The following TAX1BP1 variants were observed in gnomAD, a reference collection of about 807,000 sequenced individuals.
The protein encoded by TAX1BP1 is tax1-binding protein 1.
TAX1BP1 carries 62 observed loss-of-function variants against 97.7 expected under a neutral mutation model. The ratio of observed to expected loss-of-function variants is 0.63; its 90% confidence interval spans 0.52 to 0.78. The LOEUF (loss-of-function observed/expected upper bound fraction) is 0.78, where lower values mean the gene tolerates loss of function less well. Among genes scored for constraint, TAX1BP1 ranks in the 30% least tolerant of loss-of-function variants. TAX1BP1 has a pLI of 0.00. For missense variants in TAX1BP1, 867 were observed against 916.1 expected (o/e 0.95, Z 0.69); for synonymous variants, 340 against 304.2 (o/e 1.12, Z -1.23).
At chr7:27,827,166 AC>A (rs1324245322) in intron 15 of TAX1BP1, among the ~76,000 whole-genome samples, 1 of 152,204 alleles carries the variant, frequency 6.6e-6, no homozygotes, top group African/African-American at 2.4e-5. Flanking sequence ...AGCCTGGCTA[AC>A]ATGGTGAAAC....
chr7:27,751,363 T>C (rs1050334823), intron 2 of TAX1BP1, among the ~76,000 whole-genome samples: 1 of 152,180 alleles, frequency 6.6e-6, no homozygotes, highest in Non-Finnish European at 1.5e-5. Flanking sequence ...TGTTAACATA[T>C]TGGTATATAG....
In TAX1BP1 at chr7:27,755,980, G is replaced by A. The variant is rs142096289; in HGVS notation, c.163-2051G>A. ...ATAATTTTCTTTACACTTGGTAATG[G>A]TGGACTAAAAGACAAGATTTCTTGC... On this transcript the variant is annotated intron_variant, in intron 2 of 16. Transcript: ENST00000396319. Among the ~76,000 whole-genome samples the A allele has an allele frequency of 1.8e-3, 267 of 152,206 alleles. 4 individuals carry two copies. The highest frequency in any genetic ancestry group is 6.2e-3 in the African/African-American group (256 of 41,520).
Position 27,766,001 on chromosome 7 carries a change from A to G in TAX1BP1, c.433A>G (p.Thr145Ala). 6.2e-7 allele frequency: 1 copy of G among 1,613,976 alleles called. No homozygotes were observed. Among genetic ancestry groups the G allele is most frequent in the Non-Finnish European group, 8.5e-7 (1 of 1,179,930 alleles). The change falls in exon 4 of 17, where the codon ACA (threonine) becomes GCA (alanine). Residue 145 changes from threonine (T) to alanine (A), a missense_variant. By Grantham distance (58) the Thr-to-Ala change is moderately conservative. This residue lies in a region of TAX1BP1 where 822 missense variants were observed against 851.4 expected (regional missense o/e 0.97). Transcript: ENST00000396319. ...EGNSDMLVVTTKAGLLELKIE... is the reference protein window; with the variant it reads ...EGNSDMLVVTAKAGLLELKIE... ...AAATTCTGACATGTTAGTGGTGACC[A>G]CAAAAGCAGGCCTTCTTGAGGTTGG... is the stretch of plus-strand genomic sequence containing the variant.
In TAX1BP1 at chr7:27,794,321, A is replaced by G. The variant is rs1789836741; in HGVS notation, c.1411-2A>G. 1 of 1,601,736 alleles carries G rather than the reference A, an allele frequency of 6.2e-7. No homozygotes were observed. The highest frequency in any genetic ancestry group is 8.5e-7 in the Non-Finnish European group (1 of 1,173,370). On this transcript the variant is annotated splice_acceptor_variant, in intron 10 of 16. Transcript: ENST00000396319. LOFTEE classifies it high-confidence loss of function. Reference sequence around the variant, plus strand: ...TTAACAACTTATTAACATTTTGAATAGGCTAATAATAATAATGTCTTCACA... The same window carrying G: ...TTAACAACTTATTAACATTTTGAATGGGCTAATAATAATAATGTCTTCACA...
intron 15 of TAX1BP1, among the ~76,000 whole-genome samples, chr7:27,819,199 C>T (rs1032549077): frequency 6.6e-6 from 1 of 151,850 alleles, no homozygotes. Flanking sequence ...AGAACTGCTC[C>T]ATGATGTTAA....
chr7:27,743,795 TTTTTTTTTTTTTTTTTTTTTTG>T (rs1787712658), intron 1 of TAX1BP1, among the ~76,000 whole-genome samples: 1 of 1,664 alleles, frequency 6.0e-4, no homozygotes, highest in Non-Finnish European at 8.2e-4. Flanking sequence ...TTTTTTTTTT[TTTTTTTTTTTTTTTTTTTTTTG>T]AGACGGAGTC....
intron 2 of TAX1BP1, among the ~76,000 whole-genome samples, chr7:27,753,814 T>C (rs1433517023): frequency 6.6e-6 from 1 of 152,224 alleles, no homozygotes; most frequent in Non-Finnish European, 1.5e-5. Context: ...TATTAAAATA[T>C]CTTATTGTAC....
chr7:27,745,204 A>G (rs756023065), intron 1 of TAX1BP1, among the ~76,000 whole-genome samples: 5 of 152,146 alleles, frequency 3.3e-5, no homozygotes, highest in Admixed American at 6.5e-5. Context: ...ACTTCTCTCC[A>G]ACTGAGAGGA....
intron 13 of TAX1BP1, among the ~76,000 whole-genome samples, chr7:27,815,339 A>G (rs1444390367): frequency 6.6e-6 from 1 of 152,182 alleles, no homozygotes; most frequent in Non-Finnish European, 1.5e-5. Context: ...AAAAAAAATC[A>G]TGAATGACTT....
At chr7:27,809,125 A>G (rs1021614659) in intron 13 of TAX1BP1, among the ~76,000 whole-genome samples, 1 of 151,624 alleles carries the variant, frequency 6.6e-6, no homozygotes, top group African/African-American at 2.4e-5. Flanking sequence ...TAGCATGTCT[A>G]ATAATGACTG....
chr7:27,806,524 A>G (rs1255867015), intron 13 of TAX1BP1, among the ~76,000 whole-genome samples: 1 of 152,102 alleles, frequency 6.6e-6, no homozygotes, highest in Non-Finnish European at 1.5e-5. Context: ...GTTTTATGTC[A>G]GTGATTTGAG....
chr7:27,749,436 C>G (rs1583665463), intron 2 of TAX1BP1, among the ~76,000 whole-genome samples: 1 of 152,180 alleles, frequency 6.6e-6, no homozygotes, highest in African/African-American at 2.4e-5. Flanking sequence ...TCCTCAGAAT[C>G]AGTTTGTTTT....
intron 15 of TAX1BP1, among the ~76,000 whole-genome samples, chr7:27,826,100 C>G (rs1791168837): frequency 1.3e-5 from 2 of 152,304 alleles, no homozygotes; most frequent in South Asian, 4.1e-4. Context: ...AATCAGAATT[C>G]ACTGTCCTAC....
Position 27,792,168 on chromosome 7 carries a change from G to A in TAX1BP1, c.1201G>A (p.Val401Met), listed in dbSNP as rs768281146. Residue 401 changes from valine to methionine, a missense_variant, in exon 9 of 17, where the codon GTG becomes ATG. Around this residue, in one of 3 missense-constraint regions of TAX1BP1, gnomAD observed 822 missense variants for 851.4 expected, o/e 0.97. Coordinates refer to ENST00000396319, the MANE Select transcript of TAX1BP1 (RefSeq NM_006024.7). Reference protein sequence around the residue: ...LHTARLENEKVKKQLADAVAE... With the variant: ...LHTARLENEKMKKQLADAVAE... ...TACTGCACGCTTGGAAAACGAGAAAGTGAAAAAGCAGTTAGCTGATGCAGT... is the reference window on the plus strand; with the variant it reads ...TACTGCACGCTTGGAAAACGAGAAAATGAAAAAGCAGTTAGCTGATGCAGT... The A allele has an allele frequency of 3.7e-6, 6 of 1,613,848 alleles. No individual in the cohort carries two copies. The Middle Eastern group carries it at 6.6e-4, about 177-fold the overall frequency.
intron 13 of TAX1BP1, among the ~76,000 whole-genome samples, chr7:27,805,004 G>T (rs1790282002): frequency 6.6e-6 from 1 of 152,162 alleles, no homozygotes; most frequent in South Asian, 2.1e-4. Flanking sequence ...GTAGTTTTCT[G>T]GTGTTGGGGT....
At chr7:27,762,657 A>T (rs1788470967) in intron 3 of TAX1BP1, among the ~76,000 whole-genome samples, 1 of 152,236 alleles carries the variant, frequency 6.6e-6, no homozygotes, top group African/African-American at 2.4e-5. Flanking sequence ...ATACTTTAAA[A>T]ACATTTTTGG....
rs79057471 is a variant in TAX1BP1, at chr7:27,769,499, G to A, written c.454-177G>A. Among the ~76,000 whole-genome samples, 1,391 of 151,890 alleles carry A rather than the reference G, an allele frequency of 9.2e-3. 18 individuals carry two copies. The highest frequency in any genetic ancestry group is 0.032 in the African/African-American group (1,332 of 41,496). The stretch of plus-strand genomic sequence containing the variant: ...CAAAAGAAGGTTTAAATTTATGATT[G>A]ATGAATTTTTCTAACTGAAGGCTAA... On this transcript the variant is annotated intron_variant, in intron 4 of 16. Transcript: ENST00000396319.
intron 1 of TAX1BP1, among the ~76,000 whole-genome samples, chr7:27,742,245 G>C (rs62449629): frequency 0.23 from 34,328 of 152,098 alleles, 5,013 homozygotes; most frequent in East Asian, 0.52. Context: ...CCCTTCCCAC[G>C]AGGCCATATT....
At chr7:27,761,240 T>C (rs1437492801) in intron 3 of TAX1BP1, among the ~76,000 whole-genome samples, 2 of 152,192 alleles carry the variant, frequency 1.3e-5, no homozygotes, top group Non-Finnish European at 2.9e-5. Context: ...AGAGTTCTCT[T>C]GCAATCCCTT....
Sources: gnomAD v4.1 joint callset for allele counts (sites outside exome capture counted in the v4.1 genomes callset) on GRCh38, gnomAD v4.1.1 for gene constraint, gnomAD v4.1.1 regional missense constraint, MANE v1.5 for transcripts, NCBI Gene and HGNC (gene_info 2026-07-23, HGNC 2026-07-21) for gene names.